IFT80: variants seen among roughly 807,000 people sequenced by gnomAD.
IFT80 encodes the protein intraflagellar transport 80.
A neutral mutation model predicts 107.9 loss-of-function variants in IFT80; 79 were observed. The ratio of observed to expected loss-of-function variants is 0.73; its 90% CI spans 0.61 to 0.88. The LOEUF (loss-of-function observed/expected upper bound fraction) is 0.88, where lower values mean the gene tolerates loss of function less well. Among genes scored for constraint, IFT80 ranks in the 40% least tolerant of loss-of-function variants. The probability of loss-of-function intolerance (pLI) is 0.00; values close to 1 mark genes in which losing one functional copy is unlikely to be tolerated. For synonymous variants in IFT80, 299 were observed against 300.9 expected, an observed-to-expected ratio of 0.99 and a Z score of 0.07; for missense variants, 797 against 914.2, an observed-to-expected ratio of 0.87 and a Z score of 1.65.
At chr3:160,334,986 T>C in intron 8 of IFT80, among the ~76,000 whole-genome samples, 1 of 152,092 alleles carries the variant, frequency 6.6e-6, no homozygotes, top group East Asian at 1.9e-4. Flanking sequence ...ATTGAGTTGA[T>C]CATTGCTTTT....
At position 160,357,506 on chromosome 3, in the gene IFT80, C is replaced by T; in HGVS notation, c.622G>A (p.Glu208Lys). 6.4e-7 allele frequency: 1 copy of T among 1,561,692 alleles called. No individual in the cohort carries two copies. Among genetic ancestry groups the T allele is most frequent in the Non-Finnish European group, 8.8e-7 (1 of 1,132,916 alleles). ...SVNDLILSAG[E>K]DCKYKVWDSY... ...TTATATACCTTATATTTACAGTCTT[C>T]ACCAGCAGATAAAATAAGATCATTG... is the stretch of plus-strand genomic sequence containing the variant. The change falls in exon 7 of 20, where the codon GAA becomes AAA. Residue 208 changes from glutamate to lysine, a missense_variant. Glu to Lys is a moderately conservative substitution (Grantham distance 56). Coordinates refer to ENST00000326448, the MANE Select transcript of IFT80 (RefSeq NM_020800.3).
chr3:160,334,964 T>G (rs1719356535), intron 8 of IFT80, among the ~76,000 whole-genome samples: 1 of 152,172 alleles, frequency 6.6e-6, no homozygotes, highest in Admixed American at 6.5e-5. Flanking sequence ...CCACAAGTGC[T>G]TGGATACTAT....
In IFT80 at chr3:160,344,162, C is replaced by T. The variant is rs188754573; in HGVS notation, c.777+11851G>A. Among the ~76,000 whole-genome samples the T allele has an allele frequency of 2.6e-3, 390 of 152,274 alleles. 4 individuals are homozygous for T. The highest frequency in any genetic ancestry group is 8.7e-3 in the African/African-American group (363 of 41,560). On this transcript the variant is annotated intron_variant, in intron 8 of 19. Transcript: ENST00000326448. ...ATAAAACTCATTGCTAAAGAGACAA[C>T]ATATTTTGCATTTCTGGGGGTATGT...
intron 5 of IFT80, among the ~76,000 whole-genome samples, chr3:160,374,103 G>C (rs554397016): frequency 1.3e-5 from 2 of 152,226 alleles, no homozygotes; most frequent in East Asian, 3.9e-4. Context: ...AAAATTGAAG[G>C]AAGTGGAAGA....
In IFT80 at chr3:160,266,082, A is replaced by T. The variant is rs115695690; in HGVS notation, c.2223+2331T>A. ...TGCTTTATGATTTTTAGTTAACTCC[A>T]AATGACATTTATGAAGAAAAGTAGG... On this transcript the variant is annotated intron_variant, in intron 19 of 19. Coordinates refer to ENST00000326448, the MANE Select transcript of IFT80 (RefSeq NM_020800.3). 6.9e-3 allele frequency among the ~76,000 whole-genome samples: 1,056 copies of T among 152,220 alleles called. 11 individuals are homozygous for T. Among genetic ancestry groups the T allele is most frequent in the African/African-American group, 0.024 (987 of 41,542 alleles).
intron 13 of IFT80, among the ~76,000 whole-genome samples, chr3:160,285,119 G>A (rs1484658555): frequency 6.6e-6 from 1 of 152,038 alleles, no homozygotes; most frequent in Non-Finnish European, 1.5e-5. Flanking sequence ...CGAGTGGATT[G>A]CTTGAGCTCA....
intron 8 of IFT80, among the ~76,000 whole-genome samples, chr3:160,340,863 T>C (rs900035981): frequency 1.3e-5 from 2 of 152,200 alleles, no homozygotes; most frequent in East Asian, 3.8e-4. Context: ...GATTAGCATA[T>C]GGGTATCTTT....
At chr3:160,303,410 A>G (rs1716587114) in intron 11 of IFT80, among the ~76,000 whole-genome samples, 1 of 152,208 alleles carries the variant, frequency 6.6e-6, no homozygotes, top group Non-Finnish European at 1.5e-5. Flanking sequence ...AGAGAAAACT[A>G]GTTTTCAAAC....
chr3:160,384,002 T>C (rs1335610709), intron 2 of IFT80: 2 of 903,988 alleles, frequency 2.2e-6, no homozygotes, highest in East Asian at 1.2e-4. Context: ...CCCAGCACTT[T>C]GGGAGGCTGG....
At position 160,356,072 on chromosome 3, in the gene IFT80, C is replaced by G. The variant is rs748914923; in HGVS notation, c.718G>C (p.Asp240His). ...HPITSVAWAP[D>H]GELFAVGSFH... ...GATCCAACAGCAAATAATTCTCCAT[C>G]TGGAGCCCAGGCAACTGAAGTAATG... Residue 240 changes from aspartate (D) to histidine (H), a missense_variant, in exon 8 of 20, where the codon GAT becomes CAT. Coordinates refer to ENST00000326448, the MANE Select transcript of IFT80 (RefSeq NM_020800.3). 1.2e-6 allele frequency: 2 copies of G among 1,614,172 alleles called. No homozygotes were observed. The highest frequency in any genetic ancestry group is 2.2e-5 in the South Asian group (2 of 91,084).
intron 1 of IFT80, among the ~76,000 whole-genome samples, chr3:160,395,310 G>C (rs1713689683): frequency 6.6e-6 from 1 of 152,278 alleles, no homozygotes; most frequent in Admixed American, 6.5e-5. Context: ...TAGTTATGAT[G>C]ATTAAATGAG....
At position 160,285,704 on chromosome 3, in the gene IFT80, A is replaced by T. The variant is rs951885388; in HGVS notation, c.1380+100T>A. ...AATGCACATTGATTTTAAATAAAAA[A>T]CTAATTCCTTTGTGTCCTCTTTAAA... On this transcript the variant is annotated intron_variant, in intron 13 of 19. Coordinates refer to ENST00000326448, the MANE Select transcript of IFT80 (RefSeq NM_020800.3). 14 of 847,890 alleles carry T rather than the reference A, an allele frequency of 1.7e-5. No homozygotes were observed. The Admixed American group carries it at 3.4e-4, about 21-fold the overall frequency. 52.5% of individuals were successfully genotyped at this position (847,890 alleles called of 1,614,324 possible). A position where few individuals can be genotyped will look rare whatever the true frequency, so the allele number is the denominator to read the frequency against.
intron 8 of IFT80, among the ~76,000 whole-genome samples, chr3:160,346,983 G>A (rs1576844926): frequency 1.3e-5 from 2 of 152,064 alleles, no homozygotes; most frequent in East Asian, 1.9e-4. Context: ...GCCCTTATTC[G>A]TTGATGCCAC....
At chr3:160,312,681 AAT>A (rs1187050761) in intron 9 of IFT80, among the ~76,000 whole-genome samples, 1 of 50,228 alleles carries the variant, frequency 2.0e-5, no homozygotes, top group Non-Finnish European at 3.4e-5. Context: ...ATATATAATA[AAT>A]ATATATTATA....
chr3:160,383,215 G>A (rs921175655), intron 2 of IFT80, among the ~76,000 whole-genome samples: 1 of 152,170 alleles, frequency 6.6e-6, no homozygotes, highest in Non-Finnish European at 1.5e-5. Flanking sequence ...TGAGAAGACT[G>A]CCAGATCAAG....
At chr3:160,359,293 A>G (rs1322675673) in intron 6 of IFT80, among the ~76,000 whole-genome samples, 1 of 152,210 alleles carries the variant, frequency 6.6e-6, no homozygotes, top group Non-Finnish European at 1.5e-5. Context: ...ATTTAACTTG[A>G]CCAATTGTGA....
rs1721050330 is a variant in IFT80, at chr3:160,355,949, A to C, written c.777+64T>G. ...AAATGTTTTTTAAAGACTGAGAACC[A>C]TGTGTGTTGTGCATTACCACATTTA... is the stretch of plus-strand genomic sequence containing the variant. On this transcript the variant is annotated intron_variant, in intron 8 of 19. Transcript: ENST00000326448. 16 of 1,560,100 alleles carry C rather than the reference A, an allele frequency of 1.0e-5. No individual in the cohort carries two copies. In the South Asian group the frequency reaches 1.7e-4, roughly 16 times the overall value.
intron 8 of IFT80, among the ~76,000 whole-genome samples, chr3:160,326,443 T>A (rs1487924134): frequency 3.9e-5 from 6 of 152,028 alleles, no homozygotes; most frequent in Non-Finnish European, 8.8e-5. Context: ...ACTGGCAAAG[T>A]GAATCCAGTA....
chr3:160,386,531 T>G (rs1712945213), intron 1 of IFT80, among the ~76,000 whole-genome samples: 1 of 152,174 alleles, frequency 6.6e-6, no homozygotes, highest in African/African-American at 2.4e-5. Context: ...CTACTAAAAA[T>G]CATTTATAAG....
Sources: allele counts gnomAD v4.1 joint callset (sites outside exome capture counted in the v4.1 genomes callset), GRCh38; gene constraint gnomAD v4.1.1; transcripts MANE v1.5; gene names NCBI Gene and HGNC (gene_info 2026-07-23, HGNC 2026-07-21).